ABI3BP: variants seen among roughly 807,000 people sequenced by gnomAD.
The protein encoded by ABI3BP is target of Nesh-SH3.
ABI3BP carries 216 observed loss-of-function variants against 268.6 expected under a neutral mutation model. The observed-to-expected ratio is 0.80, with a 90% confidence interval of 0.72 to 0.90. The LOEUF (loss-of-function observed/expected upper bound fraction) is 0.90. ABI3BP is among the 40% of genes least tolerant of loss of function. ABI3BP has a pLI of 0.00. For synonymous variants in ABI3BP, 730 were observed against 730.0 expected, an observed-to-expected ratio of 1.00 and a Z score of 0.00; for missense variants, 2,090 against 2,182.4, an observed-to-expected ratio of 0.96 and a Z score of 0.84.
chr3:100,769,976 G>T (rs542660432), intron 62 of ABI3BP, among the ~76,000 whole-genome samples: 2 of 152,298 alleles, frequency 1.3e-5, no homozygotes, highest in African/African-American at 4.8e-5. Flanking sequence ...GTCCCTGCAT[G>T]CGCTACCTGG....
At chr3:100,912,018 A>G in intron 2 of ABI3BP, 2 of 758,294 alleles carry the variant, frequency 2.6e-6, no homozygotes, top group South Asian at 2.9e-5. Context: ...CAATTGTATA[A>G]ACAACTTCAA....
At chr3:100,857,427 G>A (rs530685068) in intron 14 of ABI3BP, among the ~76,000 whole-genome samples, 1 of 152,124 alleles carries the variant, frequency 6.6e-6, no homozygotes, top group African/African-American at 2.4e-5. Flanking sequence ...TTTTATAGAT[G>A]GAACAAGTTA....
chr3:100,759,510 C>T (rs2095826522), intron 63 of ABI3BP, among the ~76,000 whole-genome samples: 1 of 152,164 alleles, frequency 6.6e-6, no homozygotes, highest in Admixed American at 6.5e-5. Context: ...CATAAACTAG[C>T]TGGCTCTTAT....
At chr3:100,768,640 T>G (rs2096419963) in intron 62 of ABI3BP, among the ~76,000 whole-genome samples, 1 of 152,246 alleles carries the variant, frequency 6.6e-6, no homozygotes, top group South Asian at 2.1e-4. Context: ...AATTTCTAGT[T>G]TATGCGGCAT....
chr3:100,966,032 G>GCTT, intron 1 of ABI3BP, among the ~76,000 whole-genome samples: 1 of 152,288 alleles, frequency 6.6e-6, no homozygotes, highest in Non-Finnish European at 1.5e-5. Context: ...TCTGTGACTA[G>GCTT]CTTAGGTTTC....
At chr3:100,982,911 A>G (rs775321132) in intron 1 of ABI3BP, among the ~76,000 whole-genome samples, 7 of 152,190 alleles carry the variant, frequency 4.6e-5, no homozygotes, top group Non-Finnish European at 8.8e-5. Flanking sequence ...TAGCTGGAAA[A>G]GAACTGAATT....
chr3:100,939,720 G>A (rs941742428), intron 1 of ABI3BP, among the ~76,000 whole-genome samples: 13 of 152,092 alleles, frequency 8.5e-5, no homozygotes, highest in African/African-American at 3.1e-4. Context: ...GGGCACCACT[G>A]TCATTGATAA....
At chr3:100,841,954 G>C (rs1436168968) in intron 21 of ABI3BP, 44 bp downstream of exon 21, 2 of 1,385,464 alleles carry the variant, frequency 1.4e-6, no homozygotes, top group Admixed American at 4.0e-5. Flanking sequence ...CATGGAGAGT[G>C]TTAAAGATAC....
chr3:100,778,212 G>T, intron 59 of ABI3BP, 72 bp downstream of exon 59: 3 of 1,450,452 alleles, frequency 2.1e-6, no homozygotes, highest in Non-Finnish European at 2.9e-6. Flanking sequence ...TTGCTAGCAC[G>T]CCAAGAAGAG....
At chr3:100,768,107 G>C (rs921775648) in intron 62 of ABI3BP, among the ~76,000 whole-genome samples, 2 of 64,516 alleles carry the variant, frequency 3.1e-5, no homozygotes, top group Non-Finnish European at 6.8e-5. Context: ...TTTTTTTTGA[G>C]ACGGAGTCTC....
chr3:100,845,283 G>T (rs538838144), intron 20 of ABI3BP, among the ~76,000 whole-genome samples: 4 of 152,174 alleles, frequency 2.6e-5, no homozygotes, highest in South Asian at 4.1e-4. Context: ...TATTAGCTAC[G>T]CTTCTTCCCC....
intron 1 of ABI3BP, among the ~76,000 whole-genome samples, chr3:100,983,502 T>C (rs968347277): frequency 6.6e-6 from 1 of 152,196 alleles, no homozygotes; most frequent in African/African-American, 2.4e-5. Context: ...TTTGAATTCA[T>C]TTTTCTTCTT....
intron 7 of ABI3BP, among the ~76,000 whole-genome samples, chr3:100,876,261 T>A (rs2099160283): frequency 6.6e-6 from 1 of 152,194 alleles, no homozygotes; most frequent in Middle Eastern, 3.2e-3. Context: ...TTTTAAAAAA[T>A]TTAATACTTG....
intron 14 of ABI3BP, 109 bp from the exon 15 acceptor site, chr3:100,852,049 A>T: frequency 3.0e-6 from 3 of 992,076 alleles, no homozygotes; most frequent in Non-Finnish European, 4.4e-6. Context: ...GGACAGTTTT[A>T]TGTAGGTACT....
In ABI3BP at chr3:100,794,984, G is replaced by A; in HGVS notation, c.3885C>T (p.Gly1295=). The A allele has an allele frequency of 1.3e-6, 2 of 1,550,056 alleles. No homozygotes were observed. The highest frequency in any genetic ancestry group is 1.4e-5 in the African/African-American group (1 of 72,254). ...KTTIAPLETR[G]IPFIPMISPS... is the part of the protein sequence containing the mutation. ...GGGAAATCATGGGTATAAAAGGGAT[G>A]CCTCGTGTCTCTAGAGGAGCTGCAA... The change falls in exon 54 of 68, where the codon GGC becomes GGT. Residue 1295 remains glycine, a synonymous_variant. Coordinates refer to ENST00000471714, the MANE Select transcript of ABI3BP (RefSeq NM_001375547.2).
intron 61 of ABI3BP, among the ~76,000 whole-genome samples, chr3:100,773,337 T>C (rs763627593): frequency 2.0e-5 from 3 of 152,210 alleles, no homozygotes; most frequent in South Asian, 2.1e-4. Context: ...AAAAAAGATA[T>C]ATAGATGGCA....
intron 2 of ABI3BP, among the ~76,000 whole-genome samples, chr3:100,912,877 A>G (rs2057258470): frequency 6.6e-6 from 1 of 152,196 alleles, no homozygotes; most frequent in Non-Finnish European, 1.5e-5. Flanking sequence ...TAAACAGCTC[A>G]CCAGCGCCCT....
intron 1 of ABI3BP, among the ~76,000 whole-genome samples, chr3:100,931,603 A>G (rs933951736): frequency 2.0e-5 from 3 of 152,042 alleles, no homozygotes; most frequent in African/African-American, 4.8e-5. Flanking sequence ...ACCATTCACA[A>G]TAGCCACACA....
intron 4 of ABI3BP, among the ~76,000 whole-genome samples, chr3:100,897,410 A>C (rs569868531): frequency 9.5e-4 from 145 of 152,264 alleles, no homozygotes; most frequent in East Asian, 3.5e-3. Context: ...ATAAAAAAAA[A>C]CAACATAATT....
Sources: gnomAD v4.1 joint callset for allele counts (sites outside exome capture counted in the v4.1 genomes callset) on GRCh38, gnomAD v4.1.1 for gene constraint, MANE v1.5 for transcripts, NCBI Gene and HGNC (gene_info 2026-07-23, HGNC 2026-07-21) for gene names.